SYNJ2: variants seen among roughly 807,000 people sequenced by gnomAD.
SYNJ2 encodes polyphosphatidylinositol phosphatase SYNJ2.
SYNJ2 carries 116 observed loss-of-function variants against 141.3 expected under a neutral mutation model. The observed-to-expected ratio is 0.82, with a 90% confidence interval of 0.71 to 0.96. The LOEUF is 0.96. Among genes scored for constraint, SYNJ2 ranks in the 40% least tolerant of loss-of-function variants. The probability of loss-of-function intolerance (pLI) is 0.00; values close to 1 mark genes in which losing one functional copy is unlikely to be tolerated. For missense variants in SYNJ2, 1,873 were observed against 1,934.8 expected (o/e 0.97, Z 0.60); for synonymous variants, 745 against 777.7 (o/e 0.96, Z 0.70).
intron 4 of SYNJ2, among the ~76,000 whole-genome samples, chr6:158,042,396 C>T (rs957738520): frequency 2.0e-5 from 3 of 152,234 alleles, no homozygotes; most frequent in African/African-American, 7.2e-5. Context: ...GTGATCTGAG[C>T]GTGATCTCGC....
At chr6:158,081,001 G>A (rs1782640751) in intron 18 of SYNJ2, 108 bp from the exon 19 acceptor site, 2 of 999,564 alleles carry the variant, frequency 2.0e-6, no homozygotes, top group African/African-American at 1.6e-5. Context: ...GCTGGGGACT[G>A]GGGGCTGGAG....
intron 2 of SYNJ2, among the ~76,000 whole-genome samples, chr6:158,025,691 G>A (rs1250868802): frequency 1.3e-5 from 2 of 149,594 alleles, no homozygotes; most frequent in Admixed American, 6.7e-5. Flanking sequence ...GGTGGCTCAC[G>A]CCTGTAATCC....
At chr6:158,042,737 G>T (rs1401334218) in intron 4 of SYNJ2, among the ~76,000 whole-genome samples, 1 of 152,238 alleles carries the variant, frequency 6.6e-6, no homozygotes, top group Non-Finnish European at 1.5e-5. Context: ...ACCGTGTTGT[G>T]TGTGTTAACT....
intron 4 of SYNJ2, among the ~76,000 whole-genome samples, chr6:158,037,539 C>T (rs904805056): frequency 1.1e-4 from 16 of 151,796 alleles, no homozygotes; most frequent in African/African-American, 3.9e-4. Context: ...GTAGCTGGGA[C>T]TACAGGCGCC....
intron 15 of SYNJ2, among the ~76,000 whole-genome samples, chr6:158,072,726 G>T (rs1385309588): frequency 1.2e-4 from 14 of 117,226 alleles, no homozygotes; most frequent in Non-Finnish European, 1.7e-5. Context: ...TCAATTGTGT[G>T]TAATGCAGTT....
intron 5 of SYNJ2, among the ~76,000 whole-genome samples, chr6:158,054,431 A>G (rs1160211053): frequency 6.6e-6 from 1 of 152,200 alleles, no homozygotes; most frequent in Non-Finnish European, 1.5e-5. Flanking sequence ...TGGCCAGCAA[A>G]AGCCCCTTTA....
chr6:158,069,791 A>G (rs1045355836), intron 14 of SYNJ2, 118 bp downstream of exon 14: 51 of 1,253,974 alleles, frequency 4.1e-5, no homozygotes, highest in Non-Finnish European at 5.2e-5. Flanking sequence ...GGGACTTACC[A>G]TTATTTTAGA....
intron 1 of SYNJ2, among the ~76,000 whole-genome samples, chr6:157,992,412 T>TCC (rs1777478675): frequency 6.7e-6 from 1 of 149,322 alleles, no homozygotes; most frequent in African/African-American, 2.4e-5. Flanking sequence ...TTTTTTTTTT[T>TCC]TTTTTTTTTT....
chr6:158,037,624 ATC>A (rs1185651125), intron 4 of SYNJ2, among the ~76,000 whole-genome samples: 1 of 151,674 alleles, frequency 6.6e-6, no homozygotes, highest in East Asian at 1.9e-4. Context: ...GATGGTCTCG[ATC>A]TCCTGACCTC....
intron 3 of SYNJ2, among the ~76,000 whole-genome samples, chr6:158,032,430 G>T (rs533996947): frequency 6.6e-6 from 1 of 152,286 alleles, no homozygotes; most frequent in Admixed American, 6.5e-5. Context: ...CCTGATGATG[G>T]GTCCTCCTCC....
chr6:158,013,553 C>T (rs1243280557), intron 1 of SYNJ2, among the ~76,000 whole-genome samples: 1 of 152,252 alleles, frequency 6.6e-6, no homozygotes, highest in East Asian at 1.9e-4. Flanking sequence ...TAAGTCTCCT[C>T]GCTGTTTGCC....
At chr6:158,072,338 T>G (rs1041904199) in intron 15 of SYNJ2, among the ~76,000 whole-genome samples, 1 of 152,236 alleles carries the variant, frequency 6.6e-6, no homozygotes, top group African/African-American at 2.4e-5. Context: ...CACTGCCCTC[T>G]CGTGGCGGTC....
rs1180102880 is a variant in SYNJ2, at chr6:158,043,653, G to A, written c.795+254G>A. Among the ~76,000 whole-genome samples, 1 of 152,220 alleles carries A rather than the reference G, an allele frequency of 6.6e-6. No individual in the cohort carries two copies. Among genetic ancestry groups the A allele is most frequent in the Non-Finnish European group, 1.5e-5 (1 of 68,024 alleles). The stretch of plus-strand genomic sequence containing the variant: ...GTCAAGGATGCTGTGTGAAACCGCT[G>A]ACTCGGGAACGGTGCTGCGGTGCCT... On this transcript the variant is annotated intron_variant, in intron 5 of 26. Coordinates refer to ENST00000355585, the MANE Select transcript of SYNJ2 (RefSeq NM_003898.4). The surrounding 1 kb of genome is among the most constrained non-coding windows in gnomAD (Gnocchi z 4.0).
chr6:158,078,788 CTTTTTTTTTT>C (rs369220540), intron 18 of SYNJ2: 3 of 96,280 alleles, frequency 3.1e-5, no homozygotes, highest in African/African-American at 1.2e-4. Context: ...GATGCACAAC[CTTTTTTTTTT>C]TTTTTTTTTT....
rs1444907548 is a variant in SYNJ2, at chr6:158,098,259, T to A, written c.*1895T>A. On this transcript the variant is annotated 3_prime_UTR_variant, in exon 27 of 27. Coordinates refer to ENST00000355585, the MANE Select transcript of SYNJ2 (RefSeq NM_003898.4). ...AGTTGCTTGCAGTGCTGGAAATAGA[T>A]CTCATTTTTAGGTTTTCTCTTCGTT... The A allele has an allele frequency of 6.6e-6, 1 of 152,194 alleles. No homozygotes were observed. The allele number at this position is 152,194 out of a possible 1,614,324, so 9.4% of individuals were successfully genotyped here. A position where few individuals can be genotyped will look rare whatever the true frequency, so the allele number is the denominator to read the frequency against.
intron 1 of SYNJ2, among the ~76,000 whole-genome samples, chr6:157,999,549 C>T (rs545954284): frequency 1.2e-4 from 19 of 152,362 alleles, no homozygotes; most frequent in Non-Finnish European, 2.2e-4. Flanking sequence ...CCTTGAGACA[C>T]AGGCCCAGGG....
chr6:158,056,606 G>A (rs1780883471), intron 6 of SYNJ2, among the ~76,000 whole-genome samples: 3 of 152,178 alleles, frequency 2.0e-5, no homozygotes, highest in Admixed American at 2.0e-4. Context: ...AGTGGCCGCA[G>A]TGGGGCACCA....
At chr6:158,011,072 C>T (rs561736552) in intron 1 of SYNJ2, among the ~76,000 whole-genome samples, 6 of 144,068 alleles carry the variant, frequency 4.2e-5, no homozygotes, top group East Asian at 2.1e-4. Flanking sequence ...TGGGGGGACA[C>T]GTGAGGAGAG....
chr6:158,062,331 A>T, intron 8 of SYNJ2, 167 bp downstream of exon 8: 3 of 790,396 alleles, frequency 3.8e-6, no homozygotes, highest in Non-Finnish European at 4.6e-6. Context: ...CCACTCAGTT[A>T]CCCTTGTGGT....
Sources: gnomAD v4.1 joint callset for allele counts (sites outside exome capture counted in the v4.1 genomes callset) on GRCh38, gnomAD v4.1.1 for gene constraint, Gnocchi (gnomAD v3.1) non-coding constraint, MANE v1.5 for transcripts, NCBI Gene and HGNC (gene_info 2026-07-23, HGNC 2026-07-21) for gene names.